The following GPR107 variants were observed in gnomAD, a reference collection of about 807,000 sequenced individuals.
GPR107 encodes G protein-coupled receptor 107.
Under a neutral mutation model 75.5 loss-of-function variants are expected in GPR107, and 31 were observed. The ratio of observed to expected loss-of-function variants is 0.41; its 90% confidence interval spans 0.31 to 0.55. The LOEUF (loss-of-function observed/expected upper bound fraction) is 0.55, where lower values mean the gene tolerates loss of function less well. GPR107 is among the 20% of genes least tolerant of loss of function. The probability of loss-of-function intolerance (pLI) is 0.26; values close to 1 mark genes in which losing one functional copy is unlikely to be tolerated. For synonymous variants in GPR107, 267 were observed against 251.3 expected (o/e 1.06, Z -0.59); for missense variants, 572 against 665.7 (o/e 0.86, Z 1.55).
At chr9:130,073,417 A>G (rs1329116587) in intron 1 of GPR107, among the ~76,000 whole-genome samples, 1 of 152,182 alleles carries the variant, frequency 6.6e-6, no homozygotes, top group Non-Finnish European at 1.5e-5. Context: ...GAATTCCAAG[A>G]AAGGCTGGGA....
At chr9:130,066,404 TGATGAC>T (rs959021750) in intron 1 of GPR107, among the ~76,000 whole-genome samples, 46 of 26,116 alleles carry the variant, frequency 1.8e-3, no homozygotes, top group Non-Finnish European at 7.6e-3. Flanking sequence ...ATGATGGTGA[TGATGAC>T]GACGATGATG....
At position 130,112,800 on chromosome 9, in the gene GPR107, A is replaced by G. The variant is rs576963316; in HGVS notation, c.1306+5261A>G. 6.6e-6 allele frequency among the ~76,000 whole-genome samples: 1 copy of G among 151,898 alleles called. No individual in the cohort carries two copies. Among genetic ancestry groups the G allele is most frequent in the South Asian group, 2.1e-4 (1 of 4,794 alleles). ...GGTCTTGCACTGTTGCCCAGGCTGG[A>G]GTCCAGTGGTGTAATCTTGGCTTAC... On this transcript the variant is annotated intron_variant, in intron 14 of 17. Transcript: ENST00000347136. The surrounding 1 kb of genome is among the most constrained non-coding windows in gnomAD (Gnocchi z 4.0).
chr9:130,097,398 T>A (rs1165134838), intron 9 of GPR107, among the ~76,000 whole-genome samples: 1 of 151,756 alleles, frequency 6.6e-6, no homozygotes, highest in African/African-American at 2.4e-5. Flanking sequence ...CAAGAGATCC[T>A]CCCGCCTCGG....
intron 7 of GPR107, among the ~76,000 whole-genome samples, chr9:130,088,018 A>G (rs556066443): frequency 6.6e-6 from 1 of 152,208 alleles, no homozygotes; most frequent in Middle Eastern, 3.4e-3. Flanking sequence ...CAATGTTTGT[A>G]TGTTCTTTAA....
Position 130,104,447 on chromosome 9 carries a change from A to T in GPR107, c.1159A>T (p.Ile387Leu), listed in dbSNP as rs771633878. 1 of 1,613,780 alleles carries T rather than the reference A, an allele frequency of 6.2e-7. No homozygotes were observed. Among genetic ancestry groups the T allele is most frequent in the Non-Finnish European group, 8.5e-7 (1 of 1,179,668 alleles). ...CCTGGCAAATGTAGCCTACATCATC[A>T]TAGAGTCCACCGAGGAGGGCACGAC... is the stretch of plus-strand genomic sequence containing the variant. ...QVLANVAYII[I>L]ESTEEGTTEY... Residue 387 changes from isoleucine to leucine, a missense_variant, in exon 13 of 18, where the codon ATA (isoleucine) becomes TTA (leucine). By Grantham distance (5) the Ile-to-Leu change is conservative (BLOSUM62 2). Transcript: ENST00000347136.
intron 1 of GPR107, among the ~76,000 whole-genome samples, chr9:130,064,185 CTTTTTTTT>C (rs1045833413): frequency 1.2e-5 from 1 of 82,590 alleles, no homozygotes; most frequent in South Asian, 4.2e-4. Context: ...AATAGCTTTT[CTTTTTTTT>C]TTTTTTTTTT....
intron 9 of GPR107, among the ~76,000 whole-genome samples, chr9:130,093,974 C>A (rs1451435195): frequency 1.3e-5 from 2 of 152,224 alleles, no homozygotes; most frequent in East Asian, 3.9e-4. Context: ...GCCAACATAC[C>A]CAGCTGATTT....
At chr9:130,068,209 C>A (rs1000179409) in intron 1 of GPR107, among the ~76,000 whole-genome samples, 1 of 151,994 alleles carries the variant, frequency 6.6e-6, no homozygotes, top group South Asian at 2.1e-4. Context: ...TTTTGTAAGT[C>A]GGCTGGCTCA....
chr9:130,098,070 A>G (rs1489887629), intron 9 of GPR107, among the ~76,000 whole-genome samples: 1 of 152,050 alleles, frequency 6.6e-6, no homozygotes, highest in Admixed American at 6.6e-5. Flanking sequence ...TTTGGTAGAG[A>G]TGGAGTTTTG....
Position 130,104,534 on chromosome 9 carries a change from C to A in GPR107, c.1246C>A (p.Leu416Ile). ...LVDLLCCGAI[L>I]FPVVWSIRHL... ...CGACCTGTTGTGTTGTGGTGCCATC[C>A]TCTTCCCAGTGGTGTGGTGAGTAGC... Residue 416 changes from leucine to isoleucine, a missense_variant, in exon 13 of 18, where the codon CTC (leucine) becomes ATC (isoleucine). Transcript: ENST00000347136. 6.2e-7 allele frequency: 1 copy of A among 1,613,850 alleles called. No individual in the cohort carries two copies. Among genetic ancestry groups the A allele is most frequent in the Non-Finnish European group, 8.5e-7 (1 of 1,179,762 alleles).
At chr9:130,102,545 C>T (rs867547306) in intron 12 of GPR107, among the ~76,000 whole-genome samples, 43 of 152,258 alleles carry the variant, frequency 2.8e-4, no homozygotes, top group African/African-American at 8.9e-4. Context: ...AGTATTTAGA[C>T]AATAGAACTA....
chr9:130,132,652 G>T (rs1216648237), intron 17 of GPR107, among the ~76,000 whole-genome samples: 4 of 152,122 alleles, frequency 2.6e-5, no homozygotes, highest in East Asian at 1.9e-4. Flanking sequence ...CTGGGCATGG[G>T]GACATGTACC....
intron 8 of GPR107, among the ~76,000 whole-genome samples, chr9:130,091,236 C>G (rs1437406029): frequency 6.6e-6 from 1 of 152,002 alleles, no homozygotes; most frequent in Non-Finnish European, 1.5e-5. Context: ...TGCCTGTAAC[C>G]CCAGCACTTT....
At chr9:130,083,678 G>A in intron 6 of GPR107, 76 bp downstream of exon 6, 5 of 785,864 alleles carry the variant, frequency 6.4e-6, no homozygotes, top group Non-Finnish European at 9.6e-6. Flanking sequence ...GCATGTGTGT[G>A]TGTGTATTGA....
rs571684538 is a variant in GPR107, at chr9:130,074,131, G to C, written c.142-1505G>C. Among the ~76,000 whole-genome samples, 36 of 152,262 alleles carry C rather than the reference G, an allele frequency of 2.4e-4. 1 individual carries two copies. Among genetic ancestry groups the C allele is most frequent in the Non-Finnish European group, 4.6e-4 (31 of 68,026 alleles). On this transcript the variant is annotated intron_variant, in intron 1 of 17. Coordinates refer to ENST00000347136, the MANE Select transcript of GPR107 (RefSeq NM_020960.5). ...TAGGCCTGAGCAGGGAGGTGAGTTG[G>C]AACTGTGTCCCTCTGCTTCTCAGCC...
chr9:130,125,063 C>T, intron 15 of GPR107, 99 bp downstream of exon 15: 2 of 560,680 alleles, frequency 3.6e-6, no homozygotes, highest in Non-Finnish European at 6.1e-6. Context: ...ACAAGATGTG[C>T]CACCTGGAGC....
At chr9:130,100,300 C>G (rs1830991921) in intron 10 of GPR107, among the ~76,000 whole-genome samples, 3 of 152,152 alleles carry the variant, frequency 2.0e-5, no homozygotes, top group Admixed American at 1.3e-4. Flanking sequence ...TGCTATAAAG[C>G]TGGAGGCATG....
chr9:130,128,875 C>T (rs1831750974), intron 17 of GPR107, 114 bp downstream of exon 17: 1 of 969,024 alleles, frequency 1.0e-6, no homozygotes, highest in Non-Finnish European at 1.6e-6. Context: ...GGGGTGGTTC[C>T]TCTATTTTTA....
chr9:130,055,485 GCCA>G (rs1829749662), intron 1 of GPR107, among the ~76,000 whole-genome samples: 1 of 141,660 alleles, frequency 7.1e-6, no homozygotes, highest in Non-Finnish European at 1.5e-5. Flanking sequence ...CCAAGATCCC[GCCA>G]CTGCACTCCA....
Sources: gnomAD v4.1 joint callset for allele counts (sites outside exome capture counted in the v4.1 genomes callset) on GRCh38, gnomAD v4.1.1 for gene constraint, Gnocchi (gnomAD v3.1) non-coding constraint, MANE v1.5 for transcripts, NCBI Gene and HGNC (gene_info 2026-07-23, HGNC 2026-07-21) for gene names.